RANBP2: variants seen among roughly 807,000 people sequenced by gnomAD.
RANBP2 encodes RAN binding protein 2.
Under a neutral mutation model 303.6 loss-of-function variants are expected in RANBP2, and 57 were observed. The observed-to-expected ratio is 0.19, with a 90% confidence interval of 0.15 to 0.23. RANBP2 has a LOEUF of 0.23. Among genes scored for constraint, RANBP2 ranks in the 10% least tolerant of loss-of-function variants. The pLI is 1.00. For synonymous variants in RANBP2, 1,167 were observed against 1,301.5 expected, an observed-to-expected ratio of 0.90 and a Z score of 2.23; for missense variants, 3,138 against 3,780.8, an observed-to-expected ratio of 0.83 and a Z score of 4.46.
At chr2:109,596,399 T>C in the RANBP2 span, among the ~76,000 whole-genome samples, 13 of 152,144 alleles carry the variant, frequency 8.5e-5, no homozygotes, top group East Asian at 2.5e-3. Context: ...GGGTGGATCA[T>C]GAGGTCAGGA....
In RANBP2 at chr2:108,755,198, G is replaced by A. The variant is rs187011794; in HGVS notation, c.2405G>A (p.Arg802Gln). Reference protein sequence around the residue: ...SYKYSPKTPPRWAEDQNSLLK... With the variant: ...SYKYSPKTPPQWAEDQNSLLK... ...TAGTATTCTCCCAAAACACCACCTC[G>A]ATGGGCAGAAGATCAGAATTCTTTA... is the stretch of plus-strand genomic sequence containing the variant. Residue 802 changes from arginine (R) to glutamine (Q), a missense_variant, in exon 17 of 29, where the codon CGA becomes CAA. Physicochemically the swap from Arg to Gln is conservative, Grantham distance 43 (BLOSUM62 1). Around this residue, in one of 20 missense-constraint regions of RANBP2, gnomAD observed 194 missense variants for 197.4 expected, o/e 0.98. Coordinates refer to ENST00000283195, the MANE Select transcript of RANBP2 (RefSeq NM_006267.5). 4.9e-4 allele frequency: 789 copies of A among 1,611,674 alleles called. 2 individuals carry two copies. The highest frequency in any genetic ancestry group is 4.6e-3 in the East Asian group (207 of 44,858).
chr2:109,267,857 G>T, the RANBP2 span, among the ~76,000 whole-genome samples: 8 of 152,196 alleles, frequency 5.3e-5, no homozygotes, highest in Non-Finnish European at 1.0e-4. Context: ...CTGCTGGACA[G>T]AGGTTGCTTG....
the RANBP2 span, among the ~76,000 whole-genome samples, chr2:109,202,544 C>G: frequency 6.6e-6 from 1 of 152,186 alleles, no homozygotes; most frequent in Non-Finnish European, 1.5e-5. Flanking sequence ...GCTGCTTTCT[C>G]CTTCCCCTCC....
chr2:109,492,386 AGCTACTGACTTCT>A, the RANBP2 span, among the ~76,000 whole-genome samples: 1 of 152,102 alleles, frequency 6.6e-6, no homozygotes, highest in Admixed American at 6.5e-5. Context: ...CAGAACCCGC[AGCTACTGACTTCT>A]GCTAACCAGT....
chr2:109,711,651 T>C, the RANBP2 span, among the ~76,000 whole-genome samples: 1 of 152,144 alleles, frequency 6.6e-6, no homozygotes, highest in Non-Finnish European at 1.5e-5. Context: ...TGGCCTGCCC[T>C]CCAACAAGCT....
At chr2:109,032,952 T>A in the RANBP2 span, among the ~76,000 whole-genome samples, 2 of 152,238 alleles carry the variant, frequency 1.3e-5, no homozygotes, top group Admixed American at 1.3e-4. Flanking sequence ...CAAAGAGGCC[T>A]CATATTTGAC....
At chr2:108,868,402 T>C in the RANBP2 span, among the ~76,000 whole-genome samples, 1 of 152,214 alleles carries the variant, frequency 6.6e-6, no homozygotes, top group Non-Finnish European at 1.5e-5. Context: ...TATAAATTTA[T>C]GTAAAATATT....
the RANBP2 span, among the ~76,000 whole-genome samples, chr2:108,814,691 T>TG: frequency 1.3e-5 from 2 of 151,084 alleles, no homozygotes; most frequent in Non-Finnish European, 3.0e-5. Context: ...TTTTTTGAGA[T>TG]GGGGTCTCAC....
At chr2:109,506,777 T>G in the RANBP2 span, among the ~76,000 whole-genome samples, 1 of 152,206 alleles carries the variant, frequency 6.6e-6, no homozygotes. Flanking sequence ...GCAGAAATAC[T>G]AAAATGATGG....
chr2:109,540,229 C>T, the RANBP2 span, among the ~76,000 whole-genome samples: 3 of 152,094 alleles, frequency 2.0e-5, no homozygotes, highest in Non-Finnish European at 4.4e-5. Flanking sequence ...CACATGTGCT[C>T]GAGGCATTCC....
chr2:108,815,860 T>C, the RANBP2 span: 2 of 1,147,432 alleles, frequency 1.7e-6, no homozygotes, highest in Non-Finnish European at 2.5e-6. Context: ...ATTATTCTTA[T>C]TACTTAACAA....
At chr2:109,400,297 G>A in the RANBP2 span, among the ~76,000 whole-genome samples, 1 of 151,728 alleles carries the variant, frequency 6.6e-6, no homozygotes, top group Admixed American at 6.6e-5. Context: ...ACGCACATGT[G>A]CACTCATACA....
the RANBP2 span, among the ~76,000 whole-genome samples, chr2:109,066,943 C>G: frequency 1.3e-5 from 2 of 152,168 alleles, no homozygotes; most frequent in African/African-American, 2.4e-5. Flanking sequence ...TTCCTTTCAA[C>G]ACGTTGATAC....
At chr2:109,419,867 G>A in the RANBP2 span, among the ~76,000 whole-genome samples, 5 of 152,242 alleles carry the variant, frequency 3.3e-5, no homozygotes, top group South Asian at 1.0e-3. Context: ...TAAGCAGGGA[G>A]GATATTCAGA....
intron 2 of RANBP2, 41 bp downstream of exon 2, chr2:108,729,240 A>G (rs749877066): frequency 6.5e-6 from 10 of 1,539,444 alleles, no homozygotes; most frequent in Non-Finnish European, 8.8e-6. Context: ...TTTAAAATCA[A>G]TGCCTTTTCT....
At chr2:109,127,652 C>T in the RANBP2 span, 2 of 152,154 alleles carry the variant, frequency 1.3e-5, no homozygotes, top group African/African-American at 4.8e-5. Flanking sequence ...TGAGACTAGC[C>T]TGGGCAACAT....
the RANBP2 span, among the ~76,000 whole-genome samples, chr2:109,213,815 G>GTGGTA: frequency 2.6e-5 from 4 of 152,236 alleles, no homozygotes; most frequent in African/African-American, 9.6e-5. Context: ...GTGGTGTGGT[G>GTGGTA]GATGGGCTGG....
At chr2:109,301,443 G>T in the RANBP2 span, among the ~76,000 whole-genome samples, 6 of 152,126 alleles carry the variant, frequency 3.9e-5, no homozygotes, top group Admixed American at 3.9e-4. Flanking sequence ...CTCCTCCGGG[G>T]ATTGCTGGCC....
chr2:109,641,504 A>C, the RANBP2 span, among the ~76,000 whole-genome samples: 1 of 152,180 alleles, frequency 6.6e-6, no homozygotes, highest in Admixed American at 6.5e-5. Context: ...AAAGGCAAGC[A>C]CTGCTTGATT....
Sources: allele counts gnomAD v4.1 joint callset (sites outside exome capture counted in the v4.1 genomes callset), GRCh38; gene constraint gnomAD v4.1.1; regional missense constraint gnomAD v4.1.1; transcripts MANE v1.5; gene names NCBI Gene and HGNC (gene_info 2026-07-23, HGNC 2026-07-21).